The following SC5D variants were observed in gnomAD, a reference collection of about 807,000 sequenced individuals.
SC5D encodes the protein lathosterol oxidase.
Under a neutral mutation model 23.9 loss-of-function variants are expected in SC5D, and 21 were observed. That is an observed-to-expected ratio of 0.88 (90% CI 0.62 to 1.26). The LOEUF (loss-of-function observed/expected upper bound fraction) is 1.26, where lower values mean the gene tolerates loss of function less well. SC5D is among the 50% of genes most tolerant of loss of function. The pLI is 0.00. For synonymous variants in SC5D, 113 were observed against 125.9 expected (o/e 0.90, Z 0.68); for missense variants, 309 against 364.8 (o/e 0.85, Z 1.25).
chr11:121,298,825 G>A (rs1452294092), intron 1 of SC5D, among the ~76,000 whole-genome samples: 3 of 152,192 alleles, frequency 2.0e-5, no homozygotes, highest in Non-Finnish European at 4.4e-5. Flanking sequence ...TCAGCAAAAG[G>A]AGTTAGGGGT....
In SC5D at chr11:121,307,627, A is replaced by G; in HGVS notation, c.*115A>G. 1.3e-6 allele frequency: 1 copy of G among 742,006 alleles called. No homozygotes were observed. The highest frequency in any genetic ancestry group is 2.1e-6 in the Non-Finnish European group (1 of 465,804). The allele number at this position is 742,006 out of a possible 1,614,324, so 46.0% of individuals were successfully genotyped here. A position where few individuals can be genotyped will look rare whatever the true frequency, so the allele number is the denominator to read the frequency against. The stretch of plus-strand genomic sequence containing the variant: ...GTCAAGATACATAGTAAATGGTATC[A>G]TTTGGAAATCAGCATCGTGGGCACT... On this transcript the variant is annotated 3_prime_UTR_variant, in exon 5 of 5. Coordinates refer to ENST00000264027, the MANE Select transcript of SC5D (RefSeq NM_006918.5).
In SC5D at chr11:121,312,928, T is replaced by C. The variant is rs1948022308; in HGVS notation, c.*5416T>C. ...GTGGTGACTTTTGTCTGTCGCTTCA[T>C]TGGGACGTTTTTTCTTTCTGATCAA... is the stretch of plus-strand genomic sequence containing the variant. On this transcript the variant is annotated 3_prime_UTR_variant, in exon 5 of 5. Coordinates refer to ENST00000264027, the MANE Select transcript of SC5D (RefSeq NM_006918.5). 1.3e-5 allele frequency among the ~76,000 whole-genome samples: 2 copies of C among 152,180 alleles called. No individual in the cohort carries two copies. The highest frequency in any genetic ancestry group is 4.1e-4 in the South Asian group (2 of 4,834).
chr11:121,304,357 T>G lies in SC5D; in HGVS notation c.211-4T>G, dbSNP rs1488778418. Reference sequence around the variant, plus strand: ...TTTTTAAGTATTGGAAATTTCACTTTCAGAATCAAGTCCGTCGAGAGATTA... The same window carrying G: ...TTTTTAAGTATTGGAAATTTCACTTGCAGAATCAAGTCCGTCGAGAGATTA... On this transcript the variant is annotated splice_polypyrimidine_tract_variant and splice_region_variant and intron_variant, in intron 2 of 4. Transcript: ENST00000264027. 1 of 1,613,426 alleles carries G rather than the reference T, an allele frequency of 6.2e-7. No homozygotes were observed. The highest frequency in any genetic ancestry group is 1.3e-5 in the African/African-American group (1 of 75,022).
intron 1 of SC5D, among the ~76,000 whole-genome samples, chr11:121,301,005 G>T (rs1320351507): frequency 6.6e-6 from 1 of 152,226 alleles, no homozygotes; most frequent in Non-Finnish European, 1.5e-5. Context: ...CTGGGGCAGG[G>T]TGGGCGGTGG....
In SC5D at chr11:121,310,633, T is replaced by G. The variant is rs1948003491; in HGVS notation, c.*3121T>G. On this transcript the variant is annotated 3_prime_UTR_variant, in exon 5 of 5. Coordinates refer to ENST00000264027, the MANE Select transcript of SC5D (RefSeq NM_006918.5). ...CCACCACCACGCCCGGCTAATTTTT[T>G]ATATTTTTAGTAGAGATGGGGTTTC... Among the ~76,000 whole-genome samples the G allele has an allele frequency of 6.6e-6, 1 of 152,068 alleles. No homozygotes were observed. Among genetic ancestry groups the G allele is most frequent in the Non-Finnish European group, 1.5e-5 (1 of 68,004 alleles).
At chr11:121,304,523 G>C in intron 3 of SC5D, 30 bp downstream of exon 3, 1 of 1,606,656 alleles carries the variant, frequency 6.2e-7, no homozygotes, top group African/African-American at 1.3e-5. Flanking sequence ...GTCAGGAAGA[G>C]AGTAGTCTAA....
intron 1 of SC5D, among the ~76,000 whole-genome samples, chr11:121,301,679 G>T (rs576848761): frequency 1.3e-5 from 2 of 152,192 alleles, no homozygotes; most frequent in East Asian, 3.9e-4. Flanking sequence ...CTTGATAGTG[G>T]TAATGATTGC....
intron 2 of SC5D, 40 bp from the exon 3 acceptor site, chr11:121,304,321 G>A: frequency 1.2e-6 from 2 of 1,604,312 alleles, no homozygotes; most frequent in Non-Finnish European, 1.7e-6. Context: ...TGTTTAACAT[G>A]GATTTTGTGA....
chr11:121,293,175 T>G (rs1203606002), intron 1 of SC5D: 4 of 152,286 alleles, frequency 2.6e-5, no homozygotes, highest in African/African-American at 9.7e-5. Flanking sequence ...GGAGGGGCCT[T>G]CCGCTCGCGC....
At position 121,307,089 on chromosome 11, in the gene SC5D, T is replaced by G. The variant is rs1353543186; in HGVS notation, c.477T>G (p.Ile159Met). 1 of 1,614,192 alleles carries G rather than the reference T, an allele frequency of 6.2e-7. No individual in the cohort carries two copies. The highest frequency in any genetic ancestry group is 8.5e-7 in the Non-Finnish European group (1 of 1,180,026). ...RLHKPHHIWK[I>M]PTPFASHAFH... The stretch of plus-strand genomic sequence containing the variant: ...ATAAACCTCACCATATTTGGAAGAT[T>G]CCTACTCCATTTGCAAGTCATGCTT... Residue 159 changes from isoleucine to methionine, a missense_variant, in exon 5 of 5, where the codon ATT becomes ATG. Transcript: ENST00000264027.
intron 4 of SC5D, chr11:121,306,784 A>G (rs965130287): frequency 6.5e-5 from 40 of 618,144 alleles, no homozygotes; most frequent in Non-Finnish European, 2.9e-5. Context: ...GACGCTCCCT[A>G]TTGGGTACAA....
Position 121,310,078 on chromosome 11 carries a change from A to G in SC5D, c.*2566A>G, listed in dbSNP as rs113292260. Among the ~76,000 whole-genome samples, 1 of 152,178 alleles carries G rather than the reference A, an allele frequency of 6.6e-6. No individual in the cohort carries two copies. Among genetic ancestry groups the G allele is most frequent in the Non-Finnish European group, 1.5e-5 (1 of 68,036 alleles). On this transcript the variant is annotated 3_prime_UTR_variant, in exon 5 of 5. Coordinates refer to ENST00000264027, the MANE Select transcript of SC5D (RefSeq NM_006918.5). The stretch of plus-strand genomic sequence containing the variant: ...GAAGCTGGGGACAGATTTGGAAGAG[A>G]ATTACACAAGTTCAGTTTTTTGATA...
rs1203956039 is a variant in SC5D, at chr11:121,311,491, C to T, written c.*3979C>T. Among the ~76,000 whole-genome samples, 1 of 152,104 alleles carries T rather than the reference C, an allele frequency of 6.6e-6. No homozygotes were observed. The highest frequency in any genetic ancestry group is 1.5e-5 in the Non-Finnish European group (1 of 68,012). On this transcript the variant is annotated 3_prime_UTR_variant, in exon 5 of 5. Transcript: ENST00000264027. The stretch of plus-strand genomic sequence containing the variant: ...CCACCAGTACCCCAGATTTTGACCA[C>T]AGATGAATCAGTACTACAAGGACTG...
rs766593498 is a variant in SC5D at position 121,303,503 on chromosome 11, A to G, written c.128A>G (p.Tyr43Cys). The G allele has an allele frequency of 3.1e-6, 5 of 1,613,818 alleles. No homozygotes were observed. The East Asian group carries it at 6.7e-5, about 22-fold the overall frequency. The change falls in exon 2 of 5, where the codon TAC (tyrosine) becomes TGC (cysteine). Residue 43 changes from tyrosine to cysteine, a missense_variant. Transcript: ENST00000264027. ...SLLIVTNVGAYILYFFCATLS... is the reference protein window; with the variant it reads ...SLLIVTNVGACILYFFCATLS... ...CTGATTGTAACAAATGTTGGTGCTT[A>G]CATCCTTTATTTCTTCTGTGCAACA...
rs1396214701 is a variant in SC5D, at chr11:121,312,357, C to G, written c.*4845C>G. On this transcript the variant is annotated 3_prime_UTR_variant, in exon 5 of 5. Transcript: ENST00000264027. ...TAAGCTCAACTTGAAGATATAAGAA[C>G]AGTAAATTTGATAAAAATGAGAAAT... Among the ~76,000 whole-genome samples, 1 of 152,106 alleles carries G rather than the reference C, an allele frequency of 6.6e-6. No individual in the cohort carries two copies. The highest frequency in any genetic ancestry group is 1.5e-5 in the Non-Finnish European group (1 of 67,978).
chr11:121,298,857 A>C (rs2034215248), intron 1 of SC5D, among the ~76,000 whole-genome samples: 1 of 152,154 alleles, frequency 6.6e-6, no homozygotes, highest in African/African-American at 2.4e-5. Context: ...GAAGGATTTG[A>C]GTAGGTAGTG....
Position 121,306,441 on chromosome 11 carries a change from C to T in SC5D, c.399C>T (p.Phe133=), listed in dbSNP as rs907365711. Residue 133 remains phenylalanine, a synonymous_variant, in exon 4 of 5, where the codon TTC becomes TTT. Coordinates refer to ENST00000264027, the MANE Select transcript of SC5D (RefSeq NM_006918.5). ...CTTTCCTCTTTTTCACTGACATGTTCATCTACTGGATTCACAGAGGCCTTC... is the reference window on the plus strand; with the variant it reads ...CTTTCCTCTTTTTCACTGACATGTTTATCTACTGGATTCACAGAGGCCTTC... ...IISFLFFTDM[F]IYWIHRGLHH... is the part of the protein sequence containing the mutation. 1 of 1,588,178 alleles carries T rather than the reference C, an allele frequency of 6.3e-7. No individual in the cohort carries two copies. The highest frequency in any genetic ancestry group is 1.1e-5 in the South Asian group (1 of 90,566).
At chr11:121,301,962 C>G (rs1240758332) in intron 1 of SC5D, among the ~76,000 whole-genome samples, 1 of 151,986 alleles carries the variant, frequency 6.6e-6, no homozygotes, top group Non-Finnish European at 1.5e-5. Flanking sequence ...TCTCAGGAAA[C>G]TAATAGATAT....
Position 121,310,919 on chromosome 11 carries a change from T to C in SC5D, c.*3407T>C, listed in dbSNP as rs1001381426. ...TTTCTATTATTTATAGATTACCCAG[T>C]TGAAGATACTTTGTTAAGGCAGTAC... On this transcript the variant is annotated 3_prime_UTR_variant, in exon 5 of 5. Coordinates refer to ENST00000264027, the MANE Select transcript of SC5D (RefSeq NM_006918.5). Among the ~76,000 whole-genome samples the C allele has an allele frequency of 1.4e-4, 21 of 152,236 alleles. No homozygotes were observed. The highest frequency in any genetic ancestry group is 5.1e-4 in the African/African-American group (21 of 41,460).
Sources: gnomAD v4.1 joint callset for allele counts (sites outside exome capture counted in the v4.1 genomes callset) on GRCh38, gnomAD v4.1.1 for gene constraint, MANE v1.5 for transcripts, NCBI Gene and HGNC (gene_info 2026-07-23, HGNC 2026-07-21) for gene names.